The following ERBB4 variants were observed in gnomAD, a reference collection of about 807,000 sequenced individuals.
ERBB4 encodes erb-b2 receptor tyrosine kinase 4.
ERBB4 carries 42 observed loss-of-function variants against 158.0 expected under a neutral mutation model. The ratio of observed to expected loss-of-function variants is 0.27; its 90% CI spans 0.21 to 0.34. The LOEUF is 0.34. Ranked by LOEUF, ERBB4 falls within the 10% of genes least tolerant of loss-of-function variation. The pLI, the probability that ERBB4 is intolerant of heterozygous loss-of-function variation, is 1.00. For synonymous variants in ERBB4, 583 were observed against 558.7 expected (o/e 1.04, Z -0.61); for missense variants, 1,333 against 1,624.1 (o/e 0.82, Z 3.08).
intron 2 of ERBB4, among the ~76,000 whole-genome samples, chr2:212,005,262 G>T (rs1367235704): frequency 6.6e-6 from 1 of 152,070 alleles, no homozygotes. Flanking sequence ...TCGAAATTTT[G>T]CCGCCCGGAC....
chr2:212,369,626 C>G (rs1298111082), intron 1 of ERBB4, among the ~76,000 whole-genome samples: 1 of 151,962 alleles, frequency 6.6e-6, no homozygotes, highest in Non-Finnish European at 1.5e-5. Flanking sequence ...TTTAATCCAT[C>G]AGAGATTTTG....
chr2:212,141,046 T>C (rs1239463642), intron 1 of ERBB4, among the ~76,000 whole-genome samples: 1 of 151,896 alleles, frequency 6.6e-6, no homozygotes, highest in Non-Finnish European at 1.5e-5. Context: ...TACTAATGTC[T>C]ATATATAACT....
At chr2:212,210,682 A>G (rs957644853) in intron 1 of ERBB4, among the ~76,000 whole-genome samples, 3 of 152,100 alleles carry the variant, frequency 2.0e-5, no homozygotes, top group Non-Finnish European at 4.4e-5. Flanking sequence ...ATGAAACAAG[A>G]GAATCGAGAG....
rs565982220 is a variant in ERBB4, at chr2:212,153,734, G to A, written c.83-28831C>T. 8.5e-5 allele frequency among the ~76,000 whole-genome samples: 13 copies of A among 152,196 alleles called. No individual in the cohort carries two copies. The East Asian group carries it at 2.3e-3, about 27-fold the overall frequency. On this transcript the variant is annotated intron_variant, in intron 1 of 27. Transcript: ENST00000342788. ...ATATGCTACAACCATGTGACACAGAGCTTTTATGCCTTCTACCATATATTT... is the reference window on the plus strand; with the variant it reads ...ATATGCTACAACCATGTGACACAGAACTTTTATGCCTTCTACCATATATTT...
At chr2:212,526,326 A>G (rs1001150536) in intron 1 of ERBB4, among the ~76,000 whole-genome samples, 2 of 152,078 alleles carry the variant, frequency 1.3e-5, no homozygotes, top group Non-Finnish European at 2.9e-5. Flanking sequence ...TACAGTAAGC[A>G]CAGAAAAAAA....
chr2:211,875,301 A>AT (rs2078470423), intron 3 of ERBB4, among the ~76,000 whole-genome samples: 2 of 152,306 alleles, frequency 1.3e-5, no homozygotes, highest in South Asian at 4.1e-4. Flanking sequence ...ACTTGCTTTA[A>AT]TTTAAAGAAC....
intron 2 of ERBB4, among the ~76,000 whole-genome samples, chr2:212,100,090 T>C (rs886114539): frequency 2.0e-5 from 3 of 152,060 alleles, no homozygotes; most frequent in African/African-American, 7.2e-5. Context: ...CTTACAGTCA[T>C]TACTGAATAT....
chr2:211,525,682 T>C (rs74638960), intron 20 of ERBB4, among the ~76,000 whole-genome samples: 18,385 of 152,046 alleles, frequency 0.12, 1,903 homozygotes, highest in African/African-American at 0.28. Context: ...GGATGACATT[T>C]CTGGACTTTC....
In ERBB4 at chr2:211,862,207, A is replaced by G. The variant is rs927364992; in HGVS notation, c.422-74048T>C. 7.9e-5 allele frequency among the ~76,000 whole-genome samples: 12 copies of G among 152,276 alleles called. No homozygotes were observed. In the East Asian group the frequency reaches 2.3e-3, roughly 29 times the overall value. On this transcript the variant is annotated intron_variant, in intron 3 of 27. Transcript: ENST00000342788. ...TGTTTATTTTCAAGCTAGAACTCAA[A>G]TTTTCCATTTTAATTTTTAACATAT...
chr2:211,524,651 A>G (rs2066289792), intron 20 of ERBB4, among the ~76,000 whole-genome samples: 1 of 198 alleles, frequency 5.1e-3, no homozygotes, highest in South Asian at 0.083. Flanking sequence ...CGGGGCCGGC[A>G]GGGCCGCCGG....
chr2:212,115,197 C>G (rs1446196324), intron 2 of ERBB4, among the ~76,000 whole-genome samples: 1 of 150,970 alleles, frequency 6.6e-6, no homozygotes, highest in African/African-American at 2.4e-5. Context: ...GAAATAATTA[C>G]CATATTTCTA....
At chr2:211,607,275 A>C (rs1056636473) in intron 19 of ERBB4, among the ~76,000 whole-genome samples, 6 of 152,142 alleles carry the variant, frequency 3.9e-5, no homozygotes, top group Admixed American at 1.3e-4. Flanking sequence ...TAACTTTCTC[A>C]CCTAGCTAAG....
chr2:212,351,569 G>T (rs531677018), intron 1 of ERBB4, among the ~76,000 whole-genome samples: 1 of 152,092 alleles, frequency 6.6e-6, no homozygotes, highest in Non-Finnish European at 1.5e-5. Context: ...AAGCAGTGCT[G>T]TGCAATATTT....
chr2:212,439,932 G>A (rs771115494), intron 1 of ERBB4, among the ~76,000 whole-genome samples: 15 of 152,134 alleles, frequency 9.9e-5, no homozygotes, highest in Non-Finnish European at 1.8e-4. Context: ...GTGGGGAGAT[G>A]TACTTGAGTA....
intron 1 of ERBB4, among the ~76,000 whole-genome samples, chr2:212,163,852 A>T (rs553648668): frequency 1.8e-3 from 268 of 152,068 alleles, no homozygotes; most frequent in African/African-American, 6.2e-3. Context: ...GAGTGTAGTG[A>T]TGCAATCACA....
At chr2:211,566,032 T>A (rs1407430320) in intron 19 of ERBB4, among the ~76,000 whole-genome samples, 1 of 152,178 alleles carries the variant, frequency 6.6e-6, no homozygotes, top group Non-Finnish European at 1.5e-5. Flanking sequence ...CCACCAGGAC[T>A]GCAACAAGAT....
intron 20 of ERBB4, among the ~76,000 whole-genome samples, chr2:211,504,967 GA>G (rs2065708928): frequency 6.6e-6 from 1 of 152,048 alleles, no homozygotes; most frequent in Non-Finnish European, 1.5e-5. Flanking sequence ...CAACCAAACT[GA>G]AGACTTAAAA....
chr2:211,969,949 T>C (rs2081406082), intron 2 of ERBB4, among the ~76,000 whole-genome samples: 1 of 152,096 alleles, frequency 6.6e-6, no homozygotes, highest in African/African-American at 2.4e-5. Context: ...TTCTTTGCTC[T>C]TGGTTCTCTA....
intron 3 of ERBB4, among the ~76,000 whole-genome samples, chr2:211,916,337 A>G (rs1371814258): frequency 6.6e-6 from 1 of 151,666 alleles, no homozygotes; most frequent in East Asian, 1.9e-4. Context: ...CTGCCACCAC[A>G]CCCAGCTAAT....
Sources: allele counts gnomAD v4.1 joint callset (sites outside exome capture counted in the v4.1 genomes callset), GRCh38; gene constraint gnomAD v4.1.1; transcripts MANE v1.5; gene names NCBI Gene and HGNC (gene_info 2026-07-23, HGNC 2026-07-21).